UMPS: variants seen among roughly 807,000 people sequenced by gnomAD.
The protein encoded by UMPS is uridine 5'-monophosphate synthase.
UMPS carries 21 observed loss-of-function variants against 38.9 expected under a neutral mutation model. The ratio of observed to expected loss-of-function variants is 0.54; its 90% CI spans 0.38 to 0.78. UMPS has a LOEUF of 0.78. Among genes scored for constraint, UMPS ranks in the 30% least tolerant of loss-of-function variants. UMPS has a pLI of 0.00. For missense variants in UMPS, 533 were observed against 591.6 expected, an observed-to-expected ratio of 0.90 and a Z score of 1.03; for synonymous variants, 208 against 219.3, an observed-to-expected ratio of 0.95 and a Z score of 0.45.
In UMPS at chr3:124,748,457, T is replaced by A. The variant is rs1391567822; in HGVS notation, c.*4373T>A. ...AAGAGAAACAAAATAATTAGAATAT[T>A]TTTTAACTTCTAAAGTTCAAGGTTT... is the stretch of plus-strand genomic sequence containing the variant. On this transcript the variant is annotated 3_prime_UTR_variant, in exon 6 of 6. Transcript: ENST00000232607. 1 of 453,800 alleles carries A rather than the reference T, an allele frequency of 2.2e-6. No individual in the cohort carries two copies. The highest frequency in any genetic ancestry group is 4.4e-6 in the Non-Finnish European group (1 of 226,764). The allele number at this position is 453,800 out of a possible 1,614,324, so 28.1% of individuals were successfully genotyped here.
chr3:124,744,983 C>T lies in UMPS; in HGVS notation c.*899C>T, dbSNP rs948163406. On this transcript the variant is annotated 3_prime_UTR_variant, in exon 6 of 6. Transcript: ENST00000232607. The stretch of plus-strand genomic sequence containing the variant: ...AGTATCTGGCTGTTATTTCAACAAC[C>T]GGAGTTGGGGTTTGGGCTCATTTTT... 7 of 453,894 alleles carry T rather than the reference C, an allele frequency of 1.5e-5. No individual in the cohort carries two copies. The highest frequency in any genetic ancestry group is 8.0e-5 in the African/African-American group (4 of 49,954). The allele number at this position is 453,894 out of a possible 1,614,324, so 28.1% of individuals were successfully genotyped here. A position where few individuals can be genotyped will look rare whatever the true frequency, so the allele number is the denominator to read the frequency against.
Position 124,746,931 on chromosome 3 carries a change from G to A in UMPS, c.*2847G>A. 1 of 454,086 alleles carries A rather than the reference G, an allele frequency of 2.2e-6. No homozygotes were observed. The highest frequency in any genetic ancestry group is 1.6e-5 in the South Asian group (1 of 64,472). The allele number at this position is 454,086 out of a possible 1,614,324, so 28.1% of individuals were successfully genotyped here. A position where few individuals can be genotyped will look rare whatever the true frequency, so the allele number is the denominator to read the frequency against. The stretch of plus-strand genomic sequence containing the variant: ...TCTCACAGCCAGCCTGTGGATCTCA[G>A]TCCCAACACTCACCCTTGTGCTACT... On this transcript the variant is annotated 3_prime_UTR_variant, in exon 6 of 6. Coordinates refer to ENST00000232607, the MANE Select transcript of UMPS (RefSeq NM_000373.4).
At chr3:124,738,636 T>G (rs17843826) in intron 3 of UMPS, 30,327 of 180,432 alleles carry the variant, frequency 0.17, 2,820 homozygotes, top group Admixed American at 0.25. Context: ...AAGAAGGGTA[T>G]GTGCCTGGGC....
At position 124,746,151 on chromosome 3, in the gene UMPS, G is replaced by A. The variant is rs371171307; in HGVS notation, c.*2067G>A. 2.0e-5 allele frequency: 9 copies of A among 453,966 alleles called. No homozygotes were observed. The East Asian group carries it at 6.3e-4, about 32-fold the overall frequency. 28.1% of individuals were successfully genotyped at this position (453,966 alleles called of 1,614,324 possible). Reference sequence around the variant, plus strand: ...CTGTCCTTTAGAAATGTGGGCTCCTGCCATCTCCAGGACGCAGGCACTGTT... The same window carrying A: ...CTGTCCTTTAGAAATGTGGGCTCCTACCATCTCCAGGACGCAGGCACTGTT... On this transcript the variant is annotated 3_prime_UTR_variant, in exon 6 of 6. Transcript: ENST00000232607.
rs1344709236 is a variant in UMPS at position 124,745,175 on chromosome 3, A to G, written c.*1091A>G. On this transcript the variant is annotated 3_prime_UTR_variant, in exon 6 of 6. Transcript: ENST00000232607. Reference sequence around the variant, plus strand: ...GGAGGTAAGCCTTCATTAATAATAAAGAGAAAGCCCACATTCAAGGTGGTG... The same window carrying G: ...GGAGGTAAGCCTTCATTAATAATAAGGAGAAAGCCCACATTCAAGGTGGTG... 1 of 454,132 alleles carries G rather than the reference A, an allele frequency of 2.2e-6. No homozygotes were observed. Among genetic ancestry groups the G allele is most frequent in the East Asian group, 6.9e-5 (1 of 14,398 alleles). The allele number at this position is 454,132 out of a possible 1,614,324, so 28.1% of individuals were successfully genotyped here.
intron 5 of UMPS, among the ~76,000 whole-genome samples, chr3:124,743,362 G>A (rs529118481): frequency 2.0e-5 from 3 of 149,368 alleles, no homozygotes; most frequent in African/African-American, 7.5e-5. Flanking sequence ...ATAGGGCGGG[G>A]CGCAGTAGCT....
At chr3:124,742,019 C>G in intron 4 of UMPS, 133 bp from the exon 5 acceptor site, 1 of 768,138 alleles carries the variant, frequency 1.3e-6, no homozygotes, top group Non-Finnish European at 2.1e-6. Flanking sequence ...GGTTCAAGAC[C>G]AGCCAGGGAA....
rs867621315 is a variant in UMPS at position 124,748,099 on chromosome 3, A to G, written c.*4015A>G. 17 of 255,352 alleles carry G rather than the reference A, an allele frequency of 6.7e-5. No individual in the cohort carries two copies. In the Middle Eastern group the frequency reaches 4.7e-3, roughly 71 times the overall value. The allele number at this position is 255,352 out of a possible 1,614,324, so 15.8% of individuals were successfully genotyped here. A position where few individuals can be genotyped will look rare whatever the true frequency, so the allele number is the denominator to read the frequency against. On this transcript the variant is annotated 3_prime_UTR_variant, in exon 6 of 6. Transcript: ENST00000232607. ...ATTTTAACAGTTATATATATTAGAT[A>G]TAATATATAATAGTATATATAAATA...
At chr3:124,740,266 C>G (rs1047782108) in intron 4 of UMPS, 67 bp downstream of exon 4, 3 of 1,483,782 alleles carry the variant, frequency 2.0e-6, no homozygotes, top group South Asian at 1.3e-5. Flanking sequence ...AAGAAGATAT[C>G]TCCTAATCTG....
At position 124,747,211 on chromosome 3, in the gene UMPS, A is replaced by C. The variant is rs755839384; in HGVS notation, c.*3127A>C. On this transcript the variant is annotated 3_prime_UTR_variant, in exon 6 of 6. Transcript: ENST00000232607. Reference sequence around the variant, plus strand: ...GGTTAATTTTTAAAATTTTTTGTAGAGACGGTGGAGGAGGTTCTCACTGTG... The same window carrying C: ...GGTTAATTTTTAAAATTTTTTGTAGCGACGGTGGAGGAGGTTCTCACTGTG... The C allele has an allele frequency of 1.3e-5, 6 of 453,250 alleles. No individual in the cohort carries two copies. The highest frequency in any genetic ancestry group is 2.7e-5 in the Non-Finnish European group (6 of 226,092). 28.1% of individuals were successfully genotyped at this position (453,250 alleles called of 1,614,324 possible).
Position 124,731,471 on chromosome 3 carries a change from C to T in UMPS, c.156+844C>T, listed in dbSNP as rs1247998159. ...AAAGAACAATGTATAGCTAATCAATCGCTTGTGTTATTATTTTATTTATTT... is the reference window on the plus strand; with the variant it reads ...AAAGAACAATGTATAGCTAATCAATTGCTTGTGTTATTATTTTATTTATTT... On this transcript the variant is annotated intron_variant, in intron 1 of 5. Transcript: ENST00000232607. The T allele has an allele frequency of 5.1e-5, 22 of 430,932 alleles. No individual in the cohort carries two copies. In the Admixed American group the frequency reaches 5.6e-4, roughly 11 times the overall value. 26.7% of individuals were successfully genotyped at this position (430,932 alleles called of 1,614,324 possible).
Position 124,748,048 on chromosome 3 carries a change from G to T in UMPS, c.*3964G>T. The T allele has an allele frequency of 2.4e-6, 1 of 424,838 alleles. No individual in the cohort carries two copies. Among genetic ancestry groups the T allele is most frequent in the South Asian group, 1.8e-5 (1 of 55,886 alleles). 26.3% of individuals were successfully genotyped at this position (424,838 alleles called of 1,614,324 possible). A position where few individuals can be genotyped will look rare whatever the true frequency, so the allele number is the denominator to read the frequency against. On this transcript the variant is annotated 3_prime_UTR_variant, in exon 6 of 6. Coordinates refer to ENST00000232607, the MANE Select transcript of UMPS (RefSeq NM_000373.4). ...CAAAGCATGAGAAAAATCAGGACTT[G>T]TTGGAGTTATATTTTTAAAATATAT...
chr3:124,736,606 A>G (rs1441944574), intron 2 of UMPS, among the ~76,000 whole-genome samples: 1 of 152,110 alleles, frequency 6.6e-6, no homozygotes, highest in Non-Finnish European at 1.5e-5. Context: ...CCCAGCTGAG[A>G]CTTTCTGAGC....
Position 124,740,133 on chromosome 3 carries a change from G to GT in UMPS, c.1093dup (p.Cys365LeufsTer20), listed in dbSNP as rs771963237. ...AAGTGGGCCTGCCTTTGCATCGGGGGTGCCTCCTTATTGCGGAAATGAGCT... is the reference window on the plus strand; with the variant it reads ...AAGTGGGCCTGCCTTTGCATCGGGGGTTGCCTCCTTATTGCGGAAATGAGCT... On this transcript the variant is annotated frameshift_variant, in exon 4 of 6. Coordinates refer to ENST00000232607, the MANE Select transcript of UMPS (RefSeq NM_000373.4). LOFTEE classifies it high-confidence loss of function. The GT allele has an allele frequency of 3.7e-6, 6 of 1,614,006 alleles. No individual in the cohort carries two copies. The highest frequency in any genetic ancestry group is 5.1e-6 in the Non-Finnish European group (6 of 1,180,030).
At chr3:124,737,504 A>G (rs1559904865) in intron 2 of UMPS, 64 bp from the exon 3 acceptor site, 2 of 1,451,834 alleles carry the variant, frequency 1.4e-6, no homozygotes, top group Non-Finnish European at 1.9e-6. Flanking sequence ...GAGTGTGTGT[A>G]CGTATATACG....
rs1287696662 is a variant in UMPS, at chr3:124,747,958, G to A, written c.*3874G>A. Reference sequence around the variant, plus strand: ...GCCCCTTAACAGGTGGGTATGAATCGTGTCTTCAGTGCCAGGGCTGAATGA... The same window carrying A: ...GCCCCTTAACAGGTGGGTATGAATCATGTCTTCAGTGCCAGGGCTGAATGA... On this transcript the variant is annotated 3_prime_UTR_variant, in exon 6 of 6. Coordinates refer to ENST00000232607, the MANE Select transcript of UMPS (RefSeq NM_000373.4). 1.5e-5 allele frequency: 7 copies of A among 453,806 alleles called. No individual in the cohort carries two copies. Among genetic ancestry groups the A allele is most frequent in the African/African-American group, 4.0e-5 (2 of 49,960 alleles). The allele number at this position is 453,806 out of a possible 1,614,324, so 28.1% of individuals were successfully genotyped here.
Position 124,735,146 on chromosome 3 carries a change from C to A in UMPS, c.210C>A (p.Thr70=), listed in dbSNP as rs370656763. ...AAAATGCAGGCATCAGTTTTGACAC[C>A]GTGTGTGGAGTGCCTTATACAGCTT... The part of the protein sequence containing the change: ...TAQNAGISFD[T]VCGVPYTALP... Residue 70 remains threonine, a synonymous_variant, in exon 2 of 6, where the codon ACC becomes ACA. Coordinates refer to ENST00000232607, the MANE Select transcript of UMPS (RefSeq NM_000373.4). 1 of 1,613,874 alleles carries A rather than the reference C, an allele frequency of 6.2e-7. No homozygotes were observed. The highest frequency in any genetic ancestry group is 1.7e-5 in the Admixed American group (1 of 59,996).
intron 2 of UMPS, among the ~76,000 whole-genome samples, chr3:124,736,317 C>CT (rs1559904499): frequency 6.6e-6 from 1 of 151,766 alleles, no homozygotes; most frequent in Non-Finnish European, 1.5e-5. Context: ...AATTAATGGG[C>CT]TTTTTTGTTT....
At chr3:124,735,686 C>T (rs1030894814) in intron 2 of UMPS, among the ~76,000 whole-genome samples, 4 of 152,112 alleles carry the variant, frequency 2.6e-5, no homozygotes, top group Admixed American at 6.6e-5. Flanking sequence ...CTTTAAAACC[C>T]GAAAATTTGT....
Sources: gnomAD v4.1 joint callset for allele counts (sites outside exome capture counted in the v4.1 genomes callset) on GRCh38, gnomAD v4.1.1 for gene constraint, MANE v1.5 for transcripts, NCBI Gene and HGNC (gene_info 2026-07-23, HGNC 2026-07-21) for gene names.